SVEP1: variants seen among roughly 807,000 people sequenced by gnomAD.
SVEP1 encodes sushi, von Willebrand factor type A, EGF and pentraxin domain containing 1.
SVEP1 carries 164 observed loss-of-function variants against 367.3 expected under a neutral mutation model. The observed-to-expected ratio is 0.45, with a 90% CI of 0.39 to 0.51. SVEP1 has a LOEUF of 0.51. Ranked by LOEUF, SVEP1 falls within the 20% of genes least tolerant of loss-of-function variation. SVEP1 has a pLI of 0.00. For synonymous variants in SVEP1, 1,666 were observed against 1,611.6 expected (o/e 1.03, Z -0.81); for missense variants, 4,117 against 4,425.3 (o/e 0.93, Z 1.98).
intron 18 of SVEP1, among the ~76,000 whole-genome samples, chr9:110,460,265 C>T (rs530820393): frequency 4.6e-5 from 7 of 152,126 alleles, no homozygotes; most frequent in South Asian, 2.1e-4. Flanking sequence ...AGATAATTTA[C>T]GTTGCATAAC....
At chr9:110,390,336 C>CTTATATAAGTATGTGTATAT (rs1288152358) in intron 40 of SVEP1, among the ~76,000 whole-genome samples, 2,963 of 21,872 alleles carry the variant, frequency 0.14, 415 homozygotes, top group Middle Eastern at 0.28. Context: ...TATATATACA[C>CTTATATAAGTATGTGTATAT]ATACTTATAT....
rs1829141856 is a variant in SVEP1 at position 110,478,891 on chromosome 9, T to C, written c.2487+744A>G. On this transcript the variant is annotated intron_variant, in intron 13 of 47. Coordinates refer to ENST00000374469, the MANE Select transcript of SVEP1 (RefSeq NM_153366.4). ...CCTGCCTTGAAGATGTTCAATACAG[T>C]TACATATATTGCTGTATTTTCTTTT... Among the ~76,000 whole-genome samples, 3 of 151,546 alleles carry C rather than the reference T, an allele frequency of 2.0e-5. No individual in the cohort carries two copies. In the South Asian group the frequency reaches 6.3e-4, roughly 32 times the overall value.
At chr9:110,563,365 C>T (rs1830453931) in intron 1 of SVEP1, among the ~76,000 whole-genome samples, 1 of 152,046 alleles carries the variant, frequency 6.6e-6, no homozygotes, top group East Asian at 1.9e-4. Flanking sequence ...TTATGTTTTC[C>T]TGCTTTATCT....
chr9:110,411,877 T>C (rs1473478070), intron 36 of SVEP1, 142 bp from the exon 37 acceptor site: 7 of 791,074 alleles, frequency 8.8e-6, no homozygotes, highest in Non-Finnish European at 1.3e-5. Context: ...AATACTGAGC[T>C]TATTGATCAA....
chr9:110,498,663 A>C (rs1731928823), intron 7 of SVEP1, among the ~76,000 whole-genome samples: 1 of 152,136 alleles, frequency 6.6e-6, no homozygotes, highest in African/African-American at 2.4e-5. Flanking sequence ...AGAAAATGGC[A>C]ATGTCCTCTT....
chr9:110,509,409 A>G (rs1036726745), intron 5 of SVEP1, among the ~76,000 whole-genome samples: 5 of 152,234 alleles, frequency 3.3e-5, no homozygotes, highest in Non-Finnish European at 7.3e-5. Context: ...CTGGTAAGTT[A>G]GCTGTAGCTT....
chr9:110,378,055 T>C (rs1339113680), intron 44 of SVEP1, among the ~76,000 whole-genome samples: 3 of 152,228 alleles, frequency 2.0e-5, no homozygotes, highest in African/African-American at 4.8e-5. Context: ...TTTCTTCTTT[T>C]GCAAAGCTGA....
intron 4 of SVEP1, among the ~76,000 whole-genome samples, chr9:110,513,343 C>T (rs1829753592): frequency 6.6e-6 from 1 of 151,960 alleles, no homozygotes; most frequent in Non-Finnish European, 1.5e-5. Flanking sequence ...ATTTGTTAAG[C>T]TTTAAAAAAT....
At chr9:110,404,178 A>G (rs947006107) in intron 39 of SVEP1, 149 bp downstream of exon 39, 6 of 722,624 alleles carry the variant, frequency 8.3e-6, no homozygotes, top group Middle Eastern at 4.1e-4. Flanking sequence ...ATTTTACTAT[A>G]TTTTCTACCA....
At chr9:110,371,601 G>A in intron 46 of SVEP1, among the ~76,000 whole-genome samples, 1 of 152,050 alleles carries the variant, frequency 6.6e-6, no homozygotes, top group East Asian at 1.9e-4. Flanking sequence ...GACTCAGCGT[G>A]TCCATACTTA....
chr9:110,531,550 T>C (rs183258677), intron 3 of SVEP1, among the ~76,000 whole-genome samples: 2 of 152,308 alleles, frequency 1.3e-5, no homozygotes, highest in East Asian at 1.9e-4. Flanking sequence ...AGGATATGTT[T>C]ACTTCCCCTT....
intron 8 of SVEP1, among the ~76,000 whole-genome samples, chr9:110,495,590 T>C (rs1339226866): frequency 6.6e-6 from 1 of 152,162 alleles, no homozygotes; most frequent in East Asian, 1.9e-4. Context: ...ACAGCTATTT[T>C]TTCTATGTTG....
At chr9:110,370,328 T>C (rs1429032272) in intron 46 of SVEP1, among the ~76,000 whole-genome samples, 1 of 152,192 alleles carries the variant, frequency 6.6e-6, no homozygotes, top group East Asian at 1.9e-4. Flanking sequence ...TTTTAATTTA[T>C]GCAACCAATC....
In SVEP1 at chr9:110,387,344, G is replaced by T. The variant is rs1827541086; in HGVS notation, c.10001C>A (p.Pro3334Gln). The change falls in exon 42 of 48, where the codon CCA (proline) becomes CAA (glutamine). Residue 3334 changes from proline to glutamine, a missense_variant. Around this residue, in one of 4 missense-constraint regions of SVEP1, gnomAD observed 1,765 missense variants for 1,781.1 expected, o/e 0.99. Coordinates refer to ENST00000374469, the MANE Select transcript of SVEP1 (RefSeq NM_153366.4). Reference sequence around the variant, plus strand: ...ATTTTCTGTGCAGTGTGCCTCAGATGGCCCTTCAAGACTGTAGCCTCTGTT... The same window carrying T: ...ATTTTCTGTGCAGTGTGCCTCAGATTGCCCTTCAAGACTGTAGCCTCTGTT... ...SCNRGYSLEGPSEAHCTENGT... is the reference protein window; with the variant it reads ...SCNRGYSLEGQSEAHCTENGT... The T allele has an allele frequency of 6.2e-7, 1 of 1,613,146 alleles. No individual in the cohort carries two copies. The highest frequency in any genetic ancestry group is 2.2e-5 in the East Asian group (1 of 44,828).
At chr9:110,463,968 A>G (rs1317348246) in intron 18 of SVEP1, among the ~76,000 whole-genome samples, 3 of 152,142 alleles carry the variant, frequency 2.0e-5, no homozygotes, top group African/African-American at 7.2e-5. Context: ...ACTTTTTGGG[A>G]ATTATAACTC....
At chr9:110,541,800 TATATCTATATACATAG>T (rs931136751) in intron 3 of SVEP1, among the ~76,000 whole-genome samples, 6 of 144,176 alleles carry the variant, frequency 4.2e-5, no homozygotes, top group Non-Finnish European at 7.6e-5. Flanking sequence ...GATATCTATA[TATATCTATATACATAG>T]ATATCTATAT....
chr9:110,427,235 T>A (rs999215904), intron 36 of SVEP1, among the ~76,000 whole-genome samples: 1 of 146,812 alleles, frequency 6.8e-6, no homozygotes. Context: ...GAGGTGGAGA[T>A]TGCAGTAAGC....
At chr9:110,483,748 G>T in intron 9 of SVEP1, 55 bp from the exon 10 acceptor site, 1 of 1,377,182 alleles carries the variant, frequency 7.3e-7, no homozygotes, top group Non-Finnish European at 9.8e-7. Flanking sequence ...CAAACGATGA[G>T]GAGGTTTTCA....
intron 22 of SVEP1, among the ~76,000 whole-genome samples, 177 bp downstream of exon 22, chr9:110,455,413 C>T (rs946805083): frequency 2.6e-5 from 4 of 152,000 alleles, no homozygotes; most frequent in Non-Finnish European, 5.9e-5. Context: ...CTTACATAAC[C>T]GGAAAAGGAC....
Sources: allele counts gnomAD v4.1 joint callset (sites outside exome capture counted in the v4.1 genomes callset), GRCh38; gene constraint gnomAD v4.1.1; regional missense constraint gnomAD v4.1.1; transcripts MANE v1.5; gene names NCBI Gene and HGNC (gene_info 2026-07-23, HGNC 2026-07-21).